TTLL11: variants seen among roughly 807,000 people sequenced by gnomAD.
TTLL11 encodes tubulin polyglutamylase TTLL11.
Under a neutral mutation model 51.7 loss-of-function variants are expected in TTLL11, and 42 were observed. The ratio of observed to expected loss-of-function variants is 0.81; its 90% CI spans 0.64 to 1.05. The LOEUF (loss-of-function observed/expected upper bound fraction) is 1.05, where lower values mean the gene tolerates loss of function less well. TTLL11 is among the 50% of genes least tolerant of loss of function. The probability of loss-of-function intolerance (pLI) is 0.00; values close to 1 mark genes in which losing one functional copy is unlikely to be tolerated. For missense variants in TTLL11, 799 were observed against 940.4 expected, an observed-to-expected ratio of 0.85 and a Z score of 1.97; for synonymous variants, 381 against 383.5, an observed-to-expected ratio of 0.99 and a Z score of 0.08.
chr9:121,840,548 A>G lies in TTLL11; in HGVS notation c.1841-17669T>C, dbSNP rs150591768. On this transcript the variant is annotated intron_variant, in intron 8 of 8. Transcript: ENST00000321582. ...GTAGCTGGGATTATATGCAATTGCCACCATGCTTGGCTACTTTTTGTATTT... is the reference window on the plus strand; with the variant it reads ...GTAGCTGGGATTATATGCAATTGCCGCCATGCTTGGCTACTTTTTGTATTT... 4.5e-4 allele frequency among the ~76,000 whole-genome samples: 68 copies of G among 152,274 alleles called. 2 individuals are homozygous for G. The East Asian group carries it at 0.011, about 25-fold the overall frequency.
chr9:121,950,951 G>A (rs1017008124), intron 6 of TTLL11, among the ~76,000 whole-genome samples: 2 of 152,290 alleles, frequency 1.3e-5, no homozygotes, highest in Admixed American at 1.3e-4. Flanking sequence ...ATGTGATGTT[G>A]ATGATGATGA....
chr9:122,080,328 C>T (rs1448803875), intron 1 of TTLL11, among the ~76,000 whole-genome samples: 1 of 152,106 alleles, frequency 6.6e-6, no homozygotes, highest in African/African-American at 2.4e-5. Context: ...ATTCCAAAAG[C>T]CTTAAAATGT....
intron 6 of TTLL11, among the ~76,000 whole-genome samples, chr9:121,953,177 C>A (rs975676077): frequency 6.6e-6 from 1 of 152,064 alleles, no homozygotes; most frequent in East Asian, 1.9e-4. Context: ...TGGAGTGATA[C>A]CACCAAAAAT....
At chr9:121,999,497 A>C (rs1239250022) in intron 3 of TTLL11, among the ~76,000 whole-genome samples, 1 of 152,146 alleles carries the variant, frequency 6.6e-6, no homozygotes, top group Non-Finnish European at 1.5e-5. Flanking sequence ...ACCCCCACCC[A>C]GTCATCAAAT....
intron 8 of TTLL11, among the ~76,000 whole-genome samples, chr9:121,836,906 G>A (rs1480100020): frequency 1.3e-5 from 2 of 152,230 alleles, no homozygotes; most frequent in Non-Finnish European, 2.9e-5. Context: ...TCCAATTCCT[G>A]TGAGCTGGAA....
At position 122,087,444 on chromosome 9, in the gene TTLL11, T is replaced by A. The variant is rs184048000; in HGVS notation, c.462+5243A>T. On this transcript the variant is annotated intron_variant, in intron 1 of 8. Transcript: ENST00000321582. ...TGTAAGTAGGACAATATAGTAAGTG[T>A]ATACTTGTTCTAAAGAAAGGCTGGA... Among the ~76,000 whole-genome samples, 1,341 of 152,324 alleles carry A rather than the reference T, an allele frequency of 8.8e-3. 5 individuals are homozygous for A. The highest frequency in any genetic ancestry group is 0.033 in the South Asian group (158 of 4,828).
At chr9:121,919,898 G>A (rs1307647446) in intron 6 of TTLL11, among the ~76,000 whole-genome samples, 8 of 145,138 alleles carry the variant, frequency 5.5e-5, no homozygotes, top group Non-Finnish European at 1.1e-4. Flanking sequence ...AACACTAACA[G>A]TGATGACAAT....
At chr9:121,913,167 T>G (rs930095597) in intron 6 of TTLL11, among the ~76,000 whole-genome samples, 2 of 152,232 alleles carry the variant, frequency 1.3e-5, no homozygotes, top group African/African-American at 4.8e-5. Flanking sequence ...TTGTTTGTTT[T>G]ATCATAAGAG....
intron 6 of TTLL11, among the ~76,000 whole-genome samples, chr9:121,973,617 C>T (rs1297661242): frequency 1.3e-5 from 2 of 151,870 alleles, no homozygotes; most frequent in Non-Finnish European, 2.9e-5. Context: ...GGGGGAAGGA[C>T]AGCATTAGGA....
chr9:121,934,873 T>TTTTG (rs1010674533), intron 6 of TTLL11, among the ~76,000 whole-genome samples: 3 of 152,278 alleles, frequency 2.0e-5, no homozygotes, highest in Admixed American at 6.5e-5. Flanking sequence ...GAATCTGGCA[T>TTTTG]TTTGTTTGTT....
At chr9:122,009,291 A>C (rs1452350094) in intron 3 of TTLL11, among the ~76,000 whole-genome samples, 1 of 152,206 alleles carries the variant, frequency 6.6e-6, no homozygotes, top group Non-Finnish European at 1.5e-5. Context: ...CATGTTGTAC[A>C]TGATAAATAC....
intron 7 of TTLL11, among the ~76,000 whole-genome samples, chr9:121,863,821 G>A (rs1041489735): frequency 2.0e-5 from 3 of 152,186 alleles, no homozygotes; most frequent in African/African-American, 7.2e-5. Context: ...CTCAAGAGAT[G>A]GGACGTGACT....
intron 6 of TTLL11, among the ~76,000 whole-genome samples, chr9:121,925,226 T>C (rs77576732): frequency 0.02 from 3,038 of 152,282 alleles, 99 homozygotes; most frequent in African/African-American, 0.067. Context: ...TGTGCTTTTC[T>C]CCTAAACTTA....
intron 6 of TTLL11, among the ~76,000 whole-genome samples, chr9:121,893,314 CTCTG>C (rs59031238): frequency 1.5e-3 from 229 of 151,508 alleles, no homozygotes; most frequent in African/African-American, 5.2e-3. Flanking sequence ...AGAATTTCTT[CTCTG>C]TCTGTCTCTC....
intron 8 of TTLL11, among the ~76,000 whole-genome samples, chr9:121,859,767 A>G (rs1308549362): frequency 6.6e-6 from 1 of 152,214 alleles, no homozygotes; most frequent in Non-Finnish European, 1.5e-5. Flanking sequence ...ACCTGTGTCC[A>G]GGCCACGGCC....
chr9:121,994,758 A>G (rs1843206379), intron 3 of TTLL11, among the ~76,000 whole-genome samples: 1 of 152,240 alleles, frequency 6.6e-6, no homozygotes, highest in Non-Finnish European at 1.5e-5. Context: ...GAAGAAAGCA[A>G]CTTAATTAGA....
chr9:121,971,746 G>GAAAAA lies in TTLL11; in HGVS notation c.1481+2258_1481+2262dup, dbSNP rs768215225. On this transcript the variant is annotated intron_variant, in intron 6 of 8. Coordinates refer to ENST00000321582, the MANE Select transcript of TTLL11 (RefSeq NM_001139442.2). ...ACTAAGAAAAATTCCTCTGCCTTGG[G>GAAAAA]AAAAAAAAAAAAAAAGAAAATGTGG... Among the ~76,000 whole-genome samples the GAAAAA allele has an allele frequency of 1.1e-3, 109 of 97,870 alleles. 1 individual carries two copies. Among genetic ancestry groups the GAAAAA allele is most frequent in the Non-Finnish European group, 1.5e-3 (69 of 47,536 alleles). The allele number at this position is 97,870 out of a possible 152,430, so 64.2% of individuals were successfully genotyped here.
chr9:122,056,061 G>C (rs991710062), intron 1 of TTLL11, among the ~76,000 whole-genome samples: 1 of 152,210 alleles, frequency 6.6e-6, no homozygotes. Context: ...ATCTGCAAGG[G>C]GCTGCTCTTC....
chr9:121,970,949 C>T (rs1842529257), intron 6 of TTLL11, among the ~76,000 whole-genome samples: 1 of 152,222 alleles, frequency 6.6e-6, no homozygotes, highest in Admixed American at 6.5e-5. Flanking sequence ...GGAACCAAAG[C>T]AAATGCCCAT....
Sources: gnomAD v4.1 joint callset for allele counts (sites outside exome capture counted in the v4.1 genomes callset) on GRCh38, gnomAD v4.1.1 for gene constraint, MANE v1.5 for transcripts, NCBI Gene and HGNC (gene_info 2026-07-23, HGNC 2026-07-21) for gene names.